Variants in SPON1 observed in about 807,000 individuals in gnomAD.
SPON1 encodes the protein spondin-1.
In SPON1, 52 loss-of-function variants were observed where a neutral mutation model predicts 111.7. The ratio of observed to expected loss-of-function variants is 0.47; its 90% CI spans 0.37 to 0.59. The LOEUF is 0.59. Ranked by LOEUF, SPON1 falls within the 20% of genes least tolerant of loss-of-function variation. The pLI is 0.00. For missense variants in SPON1, 957 were observed against 1,068.5 expected, an observed-to-expected ratio of 0.90 and a Z score of 1.46; for synonymous variants, 410 against 395.8, an observed-to-expected ratio of 1.04 and a Z score of -0.43.
Position 14,215,280 on chromosome 11 carries a change from ATAG to A in SPON1, c.826-28047_826-28045del, listed in dbSNP as rs1461501674. Among the ~76,000 whole-genome samples, 5 of 152,312 alleles carry A rather than the reference ATAG, an allele frequency of 3.3e-5. No individual in the cohort carries two copies. In the East Asian group the frequency reaches 7.7e-4, roughly 24 times the overall value. The stretch of plus-strand genomic sequence containing the variant: ...TTATGGCCACAAGATCAGTATTAGC[ATAG>A]TAGTTCCACACATTGCCTCCTTAGG... On this transcript the variant is annotated intron_variant, in intron 6 of 15. Coordinates refer to ENST00000576479, the MANE Select transcript of SPON1 (RefSeq NM_006108.4).
intron 7 of SPON1, among the ~76,000 whole-genome samples, chr11:14,248,334 G>A (rs1469990680): frequency 6.6e-6 from 1 of 152,090 alleles, no homozygotes; most frequent in Admixed American, 6.5e-5. Flanking sequence ...AAGAGAACCT[G>A]GCTCCAAGGG....
chr11:14,104,519 T>A (rs1554924721), intron 5 of SPON1, among the ~76,000 whole-genome samples: 1 of 152,040 alleles, frequency 6.6e-6, no homozygotes, highest in East Asian at 1.9e-4. Context: ...TATGGGAAAC[T>A]TTTGTTCTTT....
intron 1 of SPON1, among the ~76,000 whole-genome samples, chr11:13,979,299 A>C (rs562434855): frequency 6.6e-6 from 1 of 152,192 alleles, no homozygotes; most frequent in Non-Finnish European, 1.5e-5. Context: ...TAGGGACATA[A>C]GTTGTATGGG....
At chr11:13,978,688 A>C (rs1259006542) in intron 1 of SPON1, among the ~76,000 whole-genome samples, 1 of 152,220 alleles carries the variant, frequency 6.6e-6, no homozygotes, top group African/African-American at 2.4e-5. Context: ...GGGAAATCAG[A>C]GGAAACATCA....
At chr11:14,029,415 C>T (rs1433638901) in intron 2 of SPON1, among the ~76,000 whole-genome samples, 1 of 152,136 alleles carries the variant, frequency 6.6e-6, no homozygotes, top group Non-Finnish European at 1.5e-5. Context: ...AAACTTTCTC[C>T]TTAGTTCAGC....
At chr11:14,242,931 C>T (rs1554939850) in intron 6 of SPON1, among the ~76,000 whole-genome samples, 1 of 152,240 alleles carries the variant, frequency 6.6e-6, no homozygotes, top group African/African-American at 2.4e-5. Context: ...CATTGCAACT[C>T]CTGCTGACCC....
intron 3 of SPON1, among the ~76,000 whole-genome samples, chr11:14,056,775 C>T (rs1025586824): frequency 2.6e-5 from 4 of 152,126 alleles, no homozygotes; most frequent in African/African-American, 9.7e-5. Context: ...TCTGTAGTCC[C>T]AGCTACTTGG....
At position 14,228,967 on chromosome 11, in the gene SPON1, C is replaced by T. The variant is rs1198423074; in HGVS notation, c.826-14365C>T. Among the ~76,000 whole-genome samples the T allele has an allele frequency of 6.6e-6, 1 of 152,130 alleles. No individual in the cohort carries two copies. Among genetic ancestry groups the T allele is most frequent in the African/African-American group, 2.4e-5 (1 of 41,428 alleles). On this transcript the variant is annotated intron_variant, in intron 6 of 15. Transcript: ENST00000576479. This position sits in a 1 kb window ranked among gnomAD's most constrained non-coding sequence, Gnocchi z 4.2. Reference sequence around the variant, plus strand: ...TAAGAAGACTCTAACAACATATTTACAGGCCCCTAGAGGTCTTCAGAACCT... The same window carrying T: ...TAAGAAGACTCTAACAACATATTTATAGGCCCCTAGAGGTCTTCAGAACCT...
At position 14,013,065 on chromosome 11, in the gene SPON1, A is replaced by AT. The variant is rs563557838; in HGVS notation, c.346-28453dup. Among the ~76,000 whole-genome samples, 3 of 152,268 alleles carry AT rather than the reference A, an allele frequency of 2.0e-5. No individual in the cohort carries two copies. The South Asian group carries it at 6.2e-4, about 32-fold the overall frequency. On this transcript the variant is annotated intron_variant, in intron 2 of 15. Transcript: ENST00000576479. ...ACGGCAACCTCATCTTCTAAATGTA[A>AT]TTTCACACATGTTACTAAATCACTT...
At chr11:14,092,913 C>T (rs1372568340) in intron 5 of SPON1, among the ~76,000 whole-genome samples, 7 of 152,078 alleles carry the variant, frequency 4.6e-5, no homozygotes, top group Non-Finnish European at 1.0e-4. Context: ...TCCTTTTTGC[C>T]TTCCTCTGTA....
In SPON1 at chr11:14,074,641, C is replaced by T. The variant is rs1361039024; in HGVS notation, c.480-704C>T. Among the ~76,000 whole-genome samples the T allele has an allele frequency of 1.3e-5, 2 of 152,176 alleles. 1 individual carries two copies. Among genetic ancestry groups the T allele is most frequent in the Admixed American group, 1.3e-4 (2 of 15,278 alleles). On this transcript the variant is annotated intron_variant, in intron 3 of 15. Coordinates refer to ENST00000576479, the MANE Select transcript of SPON1 (RefSeq NM_006108.4). ...GTTTCAGTATCCAACCCCTTCAAGG[C>T]CAGCTGAAAATCAACAACAGAGTGG...
chr11:14,148,529 G>C (rs530077109), intron 6 of SPON1, among the ~76,000 whole-genome samples: 1 of 152,242 alleles, frequency 6.6e-6, no homozygotes, highest in Admixed American at 6.5e-5. Flanking sequence ...ACATTTAAAC[G>C]ATGCTGTATC....
intron 7 of SPON1, among the ~76,000 whole-genome samples, chr11:14,250,582 C>A (rs1390146234): frequency 2.0e-5 from 3 of 152,078 alleles, no homozygotes; most frequent in African/African-American, 7.2e-5. Context: ...TTTTGTCTAT[C>A]ATGCTTTATC....
intron 1 of SPON1, among the ~76,000 whole-genome samples, chr11:13,978,004 G>A (rs868928848): frequency 2.6e-5 from 4 of 152,164 alleles, no homozygotes; most frequent in Middle Eastern, 3.4e-3. Flanking sequence ...AACCATTAAT[G>A]GCCAAAACTG....
intron 6 of SPON1, among the ~76,000 whole-genome samples, chr11:14,214,624 G>T (rs559815509): frequency 6.6e-6 from 1 of 152,318 alleles, no homozygotes; most frequent in African/African-American, 2.4e-5. Flanking sequence ...CAAGTGAGAT[G>T]ATGAGCCATG....
intron 2 of SPON1, among the ~76,000 whole-genome samples, chr11:14,033,465 G>T (rs1848573333): frequency 1.3e-5 from 2 of 152,158 alleles, no homozygotes; most frequent in Non-Finnish European, 2.9e-5. Flanking sequence ...CGTATCAGGG[G>T]AGATAATCCA....
chr11:14,236,589 G>C (rs1848870069), intron 6 of SPON1, among the ~76,000 whole-genome samples: 1 of 152,174 alleles, frequency 6.6e-6, no homozygotes, highest in African/African-American at 2.4e-5. Context: ...TTTAAGGCAG[G>C]GGACTAAATG....
chr11:13,979,908 T>C (rs782006391), intron 1 of SPON1, among the ~76,000 whole-genome samples: 4 of 152,192 alleles, frequency 2.6e-5, no homozygotes, highest in Admixed American at 1.3e-4. Flanking sequence ...CTAAGACTGC[T>C]TTTTGGCTGT....
At chr11:14,002,869 T>G (rs1370627741) in intron 2 of SPON1, among the ~76,000 whole-genome samples, 1 of 151,996 alleles carries the variant, frequency 6.6e-6, no homozygotes, top group Non-Finnish European at 1.5e-5. Context: ...TACCTATAAT[T>G]TTTTTAAAAA....
Sources: gnomAD v4.1 joint callset for allele counts (sites outside exome capture counted in the v4.1 genomes callset) on GRCh38, gnomAD v4.1.1 for gene constraint, Gnocchi (gnomAD v3.1) non-coding constraint, MANE v1.5 for transcripts, NCBI Gene and HGNC (gene_info 2026-07-23, HGNC 2026-07-21) for gene names.